PTK2B: variants seen among roughly 807,000 people sequenced by gnomAD.
PTK2B encodes protein tyrosine kinase 2 beta, also known as protein-tyrosine kinase 2-beta.
Under a neutral mutation model 142.9 loss-of-function variants are expected in PTK2B, and 71 were observed. The observed-to-expected ratio is 0.50, with a 90% CI of 0.41 to 0.61. The LOEUF is 0.61. PTK2B is among the 20% of genes least tolerant of loss of function. The probability of loss-of-function intolerance (pLI) is 0.00; values close to 1 mark genes in which losing one functional copy is unlikely to be tolerated. For synonymous variants in PTK2B, 519 were observed against 503.4 expected (o/e 1.03, Z -0.42); for missense variants, 1,105 against 1,320.4 (o/e 0.84, Z 2.53).
intron 1 of PTK2B, among the ~76,000 whole-genome samples, chr8:27,355,673 A>G (rs1805354192): frequency 6.6e-6 from 1 of 152,218 alleles, no homozygotes; most frequent in Non-Finnish European, 1.5e-5. Flanking sequence ...CAGTAATTCT[A>G]GCTCTAGGCT....
At chr8:27,434,154 G>C in intron 12 of PTK2B, 22 bp downstream of exon 12, 1 of 1,612,594 alleles carries the variant, frequency 6.2e-7, no homozygotes. Context: ...GGGGTGCAGA[G>C]GACAGGGCCC....
chr8:27,447,908 G>A (rs1263052589), intron 24 of PTK2B, among the ~76,000 whole-genome samples: 1 of 152,100 alleles, frequency 6.6e-6, no homozygotes, highest in African/African-American at 2.4e-5. Flanking sequence ...TAAACAGTAG[G>A]GCTTGCTGTG....
chr8:27,341,673 T>G (rs1012948221), intron 1 of PTK2B, among the ~76,000 whole-genome samples: 17 of 150,126 alleles, frequency 1.1e-4, no homozygotes, highest in South Asian at 2.1e-4. Context: ...TGTGGGGGGG[T>G]TTTGTGTGTT....
At chr8:27,374,356 T>C (rs1806537754) in intron 1 of PTK2B, among the ~76,000 whole-genome samples, 1 of 152,232 alleles carries the variant, frequency 6.6e-6, no homozygotes, top group Non-Finnish European at 1.5e-5. Flanking sequence ...CAGAGATGAC[T>C]GTCATGAAGG....
upstream of PTK2B, among the ~76,000 whole-genome samples, chr8:27,324,016 C>G (rs1803292172): frequency 1.3e-5 from 2 of 152,342 alleles, no homozygotes; most frequent in South Asian, 4.1e-4. Context: ...CTCAACAACT[C>G]ACCCAGGTAT....
Position 27,442,960 on chromosome 8 carries a change from G to GCCTTCCAGGAACCCCCAC in PTK2B, c.2128_2145dup (p.Phe710_Pro715dup). 1.2e-6 allele frequency: 2 copies of GCCTTCCAGGAACCCCCAC among 1,614,084 alleles called. No homozygotes were observed. The highest frequency in any genetic ancestry group is 1.7e-6 in the Non-Finnish European group (2 of 1,179,936). On this transcript the variant is annotated inframe_insertion, in exon 22 of 31. Transcript: ENST00000346049. ...AACCCCCAAAATCTTGGAGCCCACA[G>GCCTTCCAGGAACCCCCAC]CCTTCCAGGAACCCCCACCCAAGGT... is the stretch of plus-strand genomic sequence containing the variant.
At chr8:27,361,376 GC>G (rs1805693707) in intron 1 of PTK2B, among the ~76,000 whole-genome samples, 1 of 152,014 alleles carries the variant, frequency 6.6e-6, no homozygotes, top group African/African-American at 2.4e-5. Context: ...GCACCACCAT[GC>G]CTGGCTAATT....
chr8:27,385,366 C>G (rs1807284580), intron 1 of PTK2B, among the ~76,000 whole-genome samples: 1 of 152,206 alleles, frequency 6.6e-6, no homozygotes. Context: ...CTGCCAGACA[C>G]TCTGGGCTCT....
At chr8:27,443,842 C>G (rs1811306381) in intron 22 of PTK2B, among the ~76,000 whole-genome samples, 1 of 152,226 alleles carries the variant, frequency 6.6e-6, no homozygotes, top group Non-Finnish European at 1.5e-5. Context: ...TTCATCTCCT[C>G]CATGCAGCTT....
At chr8:27,433,605 A>C in intron 11 of PTK2B, 53 bp downstream of exon 11, 1 of 1,452,470 alleles carries the variant, frequency 6.9e-7, no homozygotes, top group Non-Finnish European at 9.6e-7. Flanking sequence ...AGCACACCCG[A>C]GTCCCCAGAG....
intron 7 of PTK2B, 71 bp from the exon 8 acceptor site, chr8:27,430,805 C>T (rs1421589060): frequency 1.3e-6 from 2 of 1,556,242 alleles, no homozygotes; most frequent in Non-Finnish European, 8.7e-7. Context: ...AGTCTCTCAG[C>T]GAGACCCTAA....
At chr8:27,453,728 A>T (rs545455457) in intron 28 of PTK2B, among the ~76,000 whole-genome samples, 107 of 152,206 alleles carry the variant, frequency 7.0e-4, no homozygotes, top group Admixed American at 1.8e-3. Context: ...AAATTTTTTT[A>T]AAAAAGATTA....
chr8:27,370,915 T>C (rs1368862744), intron 1 of PTK2B, among the ~76,000 whole-genome samples: 3 of 151,176 alleles, frequency 2.0e-5, no homozygotes, highest in Admixed American at 6.6e-5. Flanking sequence ...TTTATTTTTA[T>C]TTTTTTTTGA....
At chr8:27,397,890 C>T in intron 2 of PTK2B, 102 bp downstream of exon 2, 1 of 1,359,588 alleles carries the variant, frequency 7.4e-7, no homozygotes, top group Non-Finnish European at 1.0e-6. Context: ...CCATATCCAC[C>T]CCTGGGTGGA....
chr8:27,438,659 G>A (rs1228576220), intron 18 of PTK2B, among the ~76,000 whole-genome samples: 1 of 152,222 alleles, frequency 6.6e-6, no homozygotes, highest in Non-Finnish European at 1.5e-5. Flanking sequence ...CAGCCTCCCT[G>A]GCATGGGGGA....
At chr8:27,456,160 C>T (rs902822658) in intron 30 of PTK2B, among the ~76,000 whole-genome samples, 1 of 152,222 alleles carries the variant, frequency 6.6e-6, no homozygotes, top group African/African-American at 2.4e-5. Flanking sequence ...CTCTTGAGCA[C>T]CAGCTATGAA....
chr8:27,447,461 G>A (rs1324923942), intron 24 of PTK2B, among the ~76,000 whole-genome samples: 2 of 152,228 alleles, frequency 1.3e-5, no homozygotes, highest in African/African-American at 2.4e-5. Context: ...TTTCTACTGA[G>A]TGGCTCTATA....
intron 1 of PTK2B, among the ~76,000 whole-genome samples, chr8:27,365,931 A>G (rs1003256067): frequency 6.6e-6 from 1 of 152,240 alleles, no homozygotes; most frequent in Non-Finnish European, 1.5e-5. Context: ...CAGTCCTGAC[A>G]GAAGCATTTC....
chr8:27,337,097 C>T (rs1804117562), intron 1 of PTK2B, among the ~76,000 whole-genome samples: 1 of 151,808 alleles, frequency 6.6e-6, no homozygotes, highest in Admixed American at 6.6e-5. Context: ...ATGTGCAATT[C>T]AATGAGTTTT....
Sources: allele counts gnomAD v4.1 joint callset (sites outside exome capture counted in the v4.1 genomes callset), GRCh38; gene constraint gnomAD v4.1.1; transcripts MANE v1.5; gene names NCBI Gene and HGNC (gene_info 2026-07-23, HGNC 2026-07-21).